SIK2: variants seen among roughly 807,000 people sequenced by gnomAD.
SIK2 encodes the protein salt inducible kinase 2.
SIK2 carries 29 observed loss-of-function variants against 103.2 expected under a neutral mutation model. That is an observed-to-expected ratio of 0.28 (90% confidence interval 0.21 to 0.38). SIK2 has a LOEUF of 0.38. SIK2 is among the 10% of genes least tolerant of loss of function. The probability of loss-of-function intolerance (pLI) is 1.00; values close to 1 mark genes in which losing one functional copy is unlikely to be tolerated. For missense variants in SIK2, 879 were observed against 1,171.0 expected (o/e 0.75, Z 3.64); for synonymous variants, 412 against 446.1 (o/e 0.92, Z 0.96).
rs560157344 is a variant in SIK2, at chr11:111,727,066, C to G, written c.*2937C>G. 1.5e-4 allele frequency: 239 copies of G among 1,612,216 alleles called. 3 individuals carry two copies. In the South Asian group the frequency reaches 2.3e-3, roughly 16 times the overall value. On this transcript the variant is annotated 3_prime_UTR_variant, in exon 15 of 15. Coordinates refer to ENST00000304987, the MANE Select transcript of SIK2 (RefSeq NM_015191.3). ...AACTGATACACTGGTCCCTGTAAGG[C>G]AAACAGCATGTTAGCCCGACAGGAA...
intron 3 of SIK2, among the ~76,000 whole-genome samples, chr11:111,660,913 T>A (rs1374070120): frequency 1.4e-5 from 2 of 145,500 alleles, no homozygotes; most frequent in Non-Finnish European, 3.0e-5. Context: ...TTTCCCAGGC[T>A]GGATTTGAAC....
chr11:111,611,389 A>T (rs1343471236), intron 1 of SIK2, among the ~76,000 whole-genome samples: 2 of 152,224 alleles, frequency 1.3e-5, no homozygotes, highest in African/African-American at 4.8e-5. Context: ...TGCTTCCCAG[A>T]AAAATTATAA....
chr11:111,697,057 A>G (rs1444405483), intron 4 of SIK2, among the ~76,000 whole-genome samples: 1 of 152,170 alleles, frequency 6.6e-6, no homozygotes, highest in African/African-American at 2.4e-5. Flanking sequence ...AAAAATAACT[A>G]TTTTTGACAT....
chr11:111,691,899 C>A (rs998163581), intron 4 of SIK2, among the ~76,000 whole-genome samples: 10 of 152,138 alleles, frequency 6.6e-5, no homozygotes, highest in Admixed American at 4.6e-4. Flanking sequence ...AAGAACCAGA[C>A]CTTTAAGTTA....
rs768393488 is a variant in SIK2 at position 111,723,908 on chromosome 11, G to A, written c.2560G>A (p.Ala854Thr). Residue 854 changes from alanine to threonine, a missense_variant, in exon 15 of 15, where the codon GCT becomes ACT. Transcript: ENST00000304987. ...CTATCAGACTTGTGAGCTGCCAAGC[G>A]CTGCTTCCCCTGCGCCAGACTATCC... ...FSYQTCELPS[A>T]ASPAPDYPTP... The A allele has an allele frequency of 6.1e-5, 98 of 1,613,368 alleles. No individual in the cohort carries two copies. Among genetic ancestry groups the A allele is most frequent in the Admixed American group, 2.2e-4 (13 of 59,906 alleles).
intron 3 of SIK2, among the ~76,000 whole-genome samples, chr11:111,626,950 T>C (rs1941969342): frequency 6.6e-6 from 1 of 152,146 alleles, no homozygotes; most frequent in Non-Finnish European, 1.5e-5. Flanking sequence ...TTAAAAGAGT[T>C]GGGCATTATG....
chr11:111,684,977 A>G (rs1486971709), intron 3 of SIK2, among the ~76,000 whole-genome samples: 1 of 152,248 alleles, frequency 6.6e-6, no homozygotes, highest in Non-Finnish European at 1.5e-5. Context: ...AGAATTATAC[A>G]TGGGATGCTT....
chr11:111,720,913 A>C lies in SIK2; in HGVS notation c.1795A>C (p.Arg599=). The C allele has an allele frequency of 6.2e-7, 1 of 1,613,784 alleles. No individual in the cohort carries two copies. Among genetic ancestry groups the C allele is most frequent in the South Asian group, 1.1e-5 (1 of 90,940 alleles). ...TSLTQGIVAF[R]QHLQNLARTK... ...CTTTCTTTCAGGAATTGTAGCATTT[A>C]GACAACATCTTCAGAATCTGGCTAG... Residue 599 remains arginine (R), a synonymous_variant, in exon 12 of 15, where the codon AGA becomes CGA. Coordinates refer to ENST00000304987, the MANE Select transcript of SIK2 (RefSeq NM_015191.3).
At chr11:111,653,564 TGAG>T (rs893701146) in intron 3 of SIK2, among the ~76,000 whole-genome samples, 2 of 152,178 alleles carry the variant, frequency 1.3e-5, no homozygotes, top group Non-Finnish European at 2.9e-5. Flanking sequence ...TTCCTAAAAT[TGAG>T]GTGTAATGAA....
Position 111,687,954 on chromosome 11 carries a change from G to A in SIK2, c.317-47G>A, listed in dbSNP as rs572210812. ...AAATTTCCTGACTACTAATAGTGGA[G>A]TTATTTTATTTTGGTGACTAATTCT... On this transcript the variant is annotated intron_variant, in intron 3 of 14. Coordinates refer to ENST00000304987, the MANE Select transcript of SIK2 (RefSeq NM_015191.3). 3 of 1,597,410 alleles carry A rather than the reference G, an allele frequency of 1.9e-6. No homozygotes were observed. The East Asian group carries it at 6.7e-5, about 36-fold the overall frequency.
chr11:111,720,054 CT>C (rs1402254285), intron 10 of SIK2, 51 bp downstream of exon 10: 1 of 1,545,362 alleles, frequency 6.5e-7, no homozygotes, highest in Non-Finnish European at 8.8e-7. Flanking sequence ...TCATGTCATA[CT>C]CCAATTGCCA....
intron 12 of SIK2, 137 bp from the exon 13 acceptor site, chr11:111,721,693 C>G: frequency 1.7e-6 from 1 of 586,244 alleles, no homozygotes; most frequent in South Asian, 2.4e-5. Flanking sequence ...CCTACTGGCT[C>G]TGTAAAAGCT....
intron 2 of SIK2, among the ~76,000 whole-genome samples, chr11:111,616,825 T>G (rs759887254): frequency 6.6e-6 from 1 of 152,012 alleles, no homozygotes; most frequent in Non-Finnish European, 1.5e-5. Flanking sequence ...AGTGAGACAC[T>G]GTCTCTTAAA....
intron 3 of SIK2, among the ~76,000 whole-genome samples, chr11:111,626,757 G>A (rs1941966805): frequency 6.6e-6 from 1 of 150,504 alleles, no homozygotes; most frequent in Non-Finnish European, 1.5e-5. Context: ...CCTGCAAACA[G>A]TTTTCAGTAG....
intron 3 of SIK2, among the ~76,000 whole-genome samples, chr11:111,626,590 G>A (rs968441536): frequency 6.6e-6 from 1 of 151,270 alleles, no homozygotes; most frequent in Non-Finnish European, 1.5e-5. Context: ...TCTGTATGTT[G>A]TGTCATTATC....
intron 3 of SIK2, among the ~76,000 whole-genome samples, chr11:111,622,794 G>T (rs907467653): frequency 6.6e-6 from 1 of 151,942 alleles, no homozygotes; most frequent in African/African-American, 2.4e-5. Context: ...TTATTCCTGT[G>T]TATATAATGT....
At position 111,721,923 on chromosome 11, in the gene SIK2, C is replaced by T. The variant is rs1943814553; in HGVS notation, c.2038C>T (p.Leu680=). ...SPRQSLETQY[L]QHRLQKPSLL... ...ACGGCAGAGCCTGGAGACCCAGTAC[C>T]TGCAGCACAGACTCCAGGTGGGTCC... is the stretch of plus-strand genomic sequence containing the variant. Residue 680 remains leucine (L), a synonymous_variant, in exon 13 of 15, where the codon CTG becomes TTG. Transcript: ENST00000304987. 1.9e-6 allele frequency: 3 copies of T among 1,607,790 alleles called. No individual in the cohort carries two copies. The highest frequency in any genetic ancestry group is 1.7e-6 in the Non-Finnish European group (2 of 1,176,976).
chr11:111,700,834 C>T, intron 4 of SIK2, 52 bp from the exon 5 acceptor site: 1 of 1,601,116 alleles, frequency 6.2e-7, no homozygotes, highest in Non-Finnish European at 8.5e-7. Context: ...CAGAGAAATG[C>T]AGTATAGTTT....
intron 1 of SIK2, among the ~76,000 whole-genome samples, chr11:111,607,546 A>G (rs12279749): frequency 0.041 from 6,187 of 152,236 alleles, 432 homozygotes; most frequent in African/African-American, 0.14. Context: ...GTACTGTGAA[A>G]TATTCCAGAT....
Sources: allele counts gnomAD v4.1 joint callset (sites outside exome capture counted in the v4.1 genomes callset), GRCh38; gene constraint gnomAD v4.1.1; transcripts MANE v1.5; gene names NCBI Gene and HGNC (gene_info 2026-07-23, HGNC 2026-07-21).